WDR25: variants seen among roughly 807,000 people sequenced by gnomAD.
The protein encoded by WDR25 is WD repeat-containing protein 25.
WDR25 carries 35 observed loss-of-function variants against 47.7 expected under a neutral mutation model. That is an observed-to-expected ratio of 0.73 (90% CI 0.56 to 0.97). The LOEUF is 0.97. Ranked by LOEUF, WDR25 falls within the 50% of genes least tolerant of loss-of-function variation. WDR25 has a pLI of 0.00. For missense variants in WDR25, 634 were observed against 704.7 expected (o/e 0.90, Z 1.14); for synonymous variants, 248 against 278.9 (o/e 0.89, Z 1.10).
intron 2 of WDR25, among the ~76,000 whole-genome samples, chr14:100,426,463 C>T (rs995165084): frequency 6.6e-6 from 1 of 152,248 alleles, no homozygotes; most frequent in African/African-American, 2.4e-5. Flanking sequence ...CACTGTGGCA[C>T]TGTATTTCAG....
In WDR25 at chr14:100,468,729, G is replaced by A. The variant is rs952139412; in HGVS notation, c.970+561G>A. Among the ~76,000 whole-genome samples the A allele has an allele frequency of 2.6e-5, 4 of 152,076 alleles. No homozygotes were observed. The highest frequency in any genetic ancestry group is 4.4e-5 in the Non-Finnish European group (3 of 68,004). On this transcript the variant is annotated intron_variant, in intron 3 of 6. Coordinates refer to ENST00000402312, the MANE Select transcript of WDR25 (RefSeq NM_001161476.3). The surrounding 1 kb of genome is among the most constrained non-coding windows in gnomAD (Gnocchi z 4.5). ...GTGGAAGGAACTTTCCTTACTCAGC[G>A]CTCCTGTGCAACAGGCACTGTCAAT... is the stretch of plus-strand genomic sequence containing the variant.
rs1321898596 is a variant in WDR25, at chr14:100,529,037, T to C, written c.1273-31T>C. The C allele has an allele frequency of 6.6e-7, 1 of 1,515,792 alleles. No homozygotes were observed. Among genetic ancestry groups the C allele is most frequent in the Non-Finnish European group, 8.9e-7 (1 of 1,128,454 alleles). The allele number at this position is 1,515,792 out of a possible 1,614,324, so 93.9% of individuals were successfully genotyped here. A position where few individuals can be genotyped will look rare whatever the true frequency, so the allele number is the denominator to read the frequency against. The stretch of plus-strand genomic sequence containing the variant: ...AGAGTGCCAGGTTGGGGGTGTCTTC[T>C]CTGACCCATTTGTGGCTCTGCTGTT... On this transcript the variant is annotated intron_variant, in intron 5 of 6. Transcript: ENST00000402312. The surrounding 1 kb of genome is among the most constrained non-coding windows in gnomAD (Gnocchi z 5.1).
chr14:100,476,737 G>T (rs1049733659), intron 3 of WDR25, among the ~76,000 whole-genome samples: 4 of 152,192 alleles, frequency 2.6e-5, no homozygotes, highest in African/African-American at 9.7e-5. Flanking sequence ...CCAGGGTGCC[G>T]TGTGATGCGT....
At chr14:100,454,422 C>T in intron 2 of WDR25, 1 of 1,287,232 alleles carries the variant, frequency 7.8e-7, no homozygotes, top group Admixed American at 2.3e-5. Context: ...TACTGCAAAA[C>T]AGATGCTTAA....
At chr14:100,473,516 AGGATAACATGG>A (rs1899914995) in intron 3 of WDR25, among the ~76,000 whole-genome samples, 1 of 152,326 alleles carries the variant, frequency 6.6e-6, no homozygotes. Flanking sequence ...CCACCTGCAG[AGGATAACATGG>A]GGCCTCTGGG....
At chr14:100,475,250 C>T (rs565624424) in intron 3 of WDR25, among the ~76,000 whole-genome samples, 5 of 152,244 alleles carry the variant, frequency 3.3e-5, no homozygotes, top group East Asian at 3.9e-4. Flanking sequence ...ATAGAATTAC[C>T]GTATGATCCT....
At chr14:100,437,066 T>A (rs1898521712) in intron 2 of WDR25, among the ~76,000 whole-genome samples, 1 of 152,214 alleles carries the variant, frequency 6.6e-6, no homozygotes. Context: ...GGTGAGGGGC[T>A]GGAGCTGGAG....
At chr14:100,492,876 A>G (rs1417714488) in intron 4 of WDR25, among the ~76,000 whole-genome samples, 1 of 152,186 alleles carries the variant, frequency 6.6e-6, no homozygotes, top group African/African-American at 2.4e-5. Context: ...CAGTGGCATT[A>G]TCATATCTCA....
At chr14:100,414,859 G>A (rs1434046987) in intron 2 of WDR25, among the ~76,000 whole-genome samples, 19 of 150,732 alleles carry the variant, frequency 1.3e-4, no homozygotes, top group Admixed American at 3.3e-4. Context: ...AGCCGAGATC[G>A]CGCCACTGCA....
chr14:100,439,620 A>G (rs1898607454), intron 2 of WDR25, among the ~76,000 whole-genome samples: 1 of 152,204 alleles, frequency 6.6e-6, no homozygotes, highest in African/African-American at 2.4e-5. Context: ...CTCTGGAAGG[A>G]CAGCTGGGCA....
Position 100,424,106 on chromosome 14 carries a change from G to C in WDR25, c.822+42360G>C, listed in dbSNP as rs1400856515. Among the ~76,000 whole-genome samples, 3 of 152,184 alleles carry C rather than the reference G, an allele frequency of 2.0e-5. No homozygotes were observed. In the East Asian group the frequency reaches 5.8e-4, roughly 29 times the overall value. Reference sequence around the variant, plus strand: ...GGGCCTCCCTGTACCAACCAGATTGGGTATAAACAAGGCATTCATTACCTG... The same window carrying C: ...GGGCCTCCCTGTACCAACCAGATTGCGTATAAACAAGGCATTCATTACCTG... On this transcript the variant is annotated intron_variant, in intron 2 of 6. Coordinates refer to ENST00000402312, the MANE Select transcript of WDR25 (RefSeq NM_001161476.3). This position sits in a 1 kb window ranked among gnomAD's most constrained non-coding sequence, Gnocchi z 4.2.
chr14:100,429,728 G>A (rs1313977758), intron 2 of WDR25, among the ~76,000 whole-genome samples: 1 of 152,140 alleles, frequency 6.6e-6, no homozygotes, highest in Non-Finnish European at 1.5e-5. Flanking sequence ...TCAGGTGTGG[G>A]CTTTCCCCTT....
chr14:100,376,753 C>A, intron 1 of WDR25: 1 of 1,229,618 alleles, frequency 8.1e-7, no homozygotes, highest in Non-Finnish European at 1.0e-6. Context: ...CCGGGGGGAT[C>A]TGTGTTTTGT....
chr14:100,414,858 C>T (rs1470728900), intron 2 of WDR25, among the ~76,000 whole-genome samples: 2 of 150,530 alleles, frequency 1.3e-5, no homozygotes, highest in Non-Finnish European at 3.0e-5. Flanking sequence ...GAGCCGAGAT[C>T]GCGCCACTGC....
At chr14:100,448,530 C>A (rs959297062) in intron 2 of WDR25, among the ~76,000 whole-genome samples, 1 of 152,096 alleles carries the variant, frequency 6.6e-6, no homozygotes, top group African/African-American at 2.4e-5. Context: ...TGGGCAACTT[C>A]CTTCCTACTG....
At chr14:100,412,972 G>A (rs1897753489) in intron 2 of WDR25, among the ~76,000 whole-genome samples, 1 of 152,070 alleles carries the variant, frequency 6.6e-6, no homozygotes, top group South Asian at 2.1e-4. Flanking sequence ...TGGGATTACA[G>A]GCACCCACCA....
At chr14:100,402,865 A>C (rs1897420727) in intron 2 of WDR25, among the ~76,000 whole-genome samples, 1 of 152,134 alleles carries the variant, frequency 6.6e-6, no homozygotes, top group Non-Finnish European at 1.5e-5. Flanking sequence ...GGGGCACGAA[A>C]TAAAATGCCA....
rs189793090 is a variant in WDR25, at chr14:100,517,095, A to G, written c.1102-8775A>G. On this transcript the variant is annotated intron_variant, in intron 4 of 6. Transcript: ENST00000402312. ...ACAGGCATGAGCCACTGCACCTGAC[A>G]TATCTCCTCTGTTTTTTTTTTTTTT... Among the ~76,000 whole-genome samples the G allele has an allele frequency of 1.2e-4, 16 of 135,992 alleles. No individual in the cohort carries two copies. The East Asian group carries it at 3.4e-3, about 28-fold the overall frequency. 89.2% of individuals were successfully genotyped at this position (135,992 alleles called of 152,430 possible).
At chr14:100,450,771 T>C (rs1256723202) in intron 2 of WDR25, among the ~76,000 whole-genome samples, 1 of 152,190 alleles carries the variant, frequency 6.6e-6, no homozygotes, top group African/African-American at 2.4e-5. Context: ...AGAGGGAGTA[T>C]GTCTTAGGAT....
Sources: allele counts gnomAD v4.1 joint callset (sites outside exome capture counted in the v4.1 genomes callset), GRCh38; gene constraint gnomAD v4.1.1; non-coding constraint Gnocchi (gnomAD v3.1); transcripts MANE v1.5; gene names NCBI Gene and HGNC (gene_info 2026-07-23, HGNC 2026-07-21).